The following IPO7 variants were observed in gnomAD, a reference collection of about 807,000 sequenced individuals.
The protein encoded by IPO7 is importin-7.
IPO7 carries 13 observed loss-of-function variants against 136.4 expected under a neutral mutation model. The observed-to-expected ratio is 0.10, with a 90% CI of 0.06 to 0.15. The LOEUF (loss-of-function observed/expected upper bound fraction) is 0.15, where lower values mean the gene tolerates loss of function less well. Ranked by LOEUF, IPO7 falls within the 10% of genes least tolerant of loss-of-function variation. The pLI is 1.00. For synonymous variants in IPO7, 403 were observed against 404.4 expected, an observed-to-expected ratio of 1.00 and a Z score of 0.04; for missense variants, 857 against 1,240.6, an observed-to-expected ratio of 0.69 and a Z score of 4.65.
chr11:9,432,988 G>GATTTTTTTTTT (rs1855318156), intron 16 of IPO7, among the ~76,000 whole-genome samples: 1 of 83,262 alleles, frequency 1.2e-5, no homozygotes, highest in Non-Finnish European at 3.1e-5. Context: ...TCTTCCAAAT[G>GATTTTTTTTTT]GTTTTTTTTT....
At position 9,423,669 on chromosome 11, in the gene IPO7, A is replaced by G. The variant is rs533697438; in HGVS notation, c.1042-108A>G. 16 of 653,348 alleles carry G rather than the reference A, an allele frequency of 2.4e-5. No individual in the cohort carries two copies. The African/African-American group carries it at 2.8e-4, about 11-fold the overall frequency. The allele number at this position is 653,348 out of a possible 1,614,324, so 40.5% of individuals were successfully genotyped here. The stretch of plus-strand genomic sequence containing the variant: ...AAATGCATTACTAACGTTTGATATT[A>G]AGCTTTAAAATACATATAGTGTTAC... On this transcript the variant is annotated intron_variant, in intron 9 of 24. Coordinates refer to ENST00000379719, the MANE Select transcript of IPO7 (RefSeq NM_006391.3).
At chr11:9,417,888 T>A (rs942053853) in intron 6 of IPO7, among the ~76,000 whole-genome samples, 3 of 151,586 alleles carry the variant, frequency 2.0e-5, no homozygotes, top group Non-Finnish European at 4.4e-5. Context: ...AATTTTTGTA[T>A]TTTTAGTAGA....
At position 9,424,963 on chromosome 11, in the gene IPO7, G is replaced by A. The variant is rs1855183263; in HGVS notation, c.1191G>A (p.Leu397=). Residue 397 remains leucine, a synonymous_variant, in exon 11 of 25, where the codon TTG becomes TTA. Coordinates refer to ENST00000379719, the MANE Select transcript of IPO7 (RefSeq NM_006391.3). ...CTACCACTGCTGCCCAGACACTTTT[G>A]TTTACAGCCTGTAGTAAGAGGAAAG... ...ISPTTAAQTL[L]FTACSKRKEV... 1.3e-6 allele frequency: 2 copies of A among 1,588,060 alleles called. No homozygotes were observed. The highest frequency in any genetic ancestry group is 2.7e-5 in the African/African-American group (2 of 73,182).
At chr11:9,406,258 C>T (rs1181260601) in intron 2 of IPO7, among the ~76,000 whole-genome samples, 1 of 151,844 alleles carries the variant, frequency 6.6e-6, no homozygotes, top group African/African-American at 2.4e-5. Flanking sequence ...TCGCCTCAGC[C>T]TTCCAAAGTG....
intron 1 of IPO7, among the ~76,000 whole-genome samples, chr11:9,393,959 T>C (rs1160706572): frequency 6.6e-6 from 1 of 152,134 alleles, no homozygotes; most frequent in Non-Finnish European, 1.5e-5. Context: ...CTCGGCTCAC[T>C]GCAACTTCTG....
At chr11:9,443,586 C>G (rs1284381176) in intron 24 of IPO7, among the ~76,000 whole-genome samples, 1 of 135,782 alleles carries the variant, frequency 7.4e-6, no homozygotes, top group East Asian at 2.1e-4. Context: ...AGCGAAACTC[C>G]GTCTCAAAAA....
At chr11:9,422,480 T>C (rs1855147844) in intron 8 of IPO7, among the ~76,000 whole-genome samples, 1 of 152,174 alleles carries the variant, frequency 6.6e-6, no homozygotes, top group Non-Finnish European at 1.5e-5. Context: ...GAAATAGTCT[T>C]GGGGACCACT....
At chr11:9,418,725 TATAA>T (rs1402628362) in intron 6 of IPO7, among the ~76,000 whole-genome samples, 3 of 152,192 alleles carry the variant, frequency 2.0e-5, no homozygotes, top group African/African-American at 7.2e-5. Context: ...GTGCACCGAT[TATAA>T]ATAAACAGTT....
At chr11:9,426,084 T>C (rs944119688) in intron 12 of IPO7, among the ~76,000 whole-genome samples, 6 of 152,102 alleles carry the variant, frequency 3.9e-5, no homozygotes, top group Non-Finnish European at 4.4e-5. Context: ...AACAACCTTA[T>C]GGAGTGTACA....
At chr11:9,436,842 T>TTATTTATATA (rs1855376562) in intron 20 of IPO7, among the ~76,000 whole-genome samples, 1 of 24,458 alleles carries the variant, frequency 4.1e-5, no homozygotes, top group African/African-American at 1.9e-4. Context: ...CCGCCTGATT[T>TTATTTATATA]TATATATATA....
intron 8 of IPO7, among the ~76,000 whole-genome samples, chr11:9,421,553 A>C (rs1373000375): frequency 2.0e-5 from 3 of 148,522 alleles, no homozygotes; most frequent in South Asian, 4.3e-4. Context: ...GCTTGAACCC[A>C]GGAGGCAGAG....
chr11:9,413,393 G>A (rs1299677572), intron 4 of IPO7, among the ~76,000 whole-genome samples: 1 of 152,006 alleles, frequency 6.6e-6, no homozygotes, highest in African/African-American at 2.4e-5. Context: ...CTTTAATGCT[G>A]TTGGTATGTA....
intron 6 of IPO7, among the ~76,000 whole-genome samples, chr11:9,419,826 A>G (rs1305745692): frequency 2.6e-5 from 4 of 152,030 alleles, no homozygotes; most frequent in South Asian, 4.1e-4. Flanking sequence ...TGCCCTTTCC[A>G]TTATGAAATA....
At chr11:9,392,063 G>A (rs1854640892) in intron 1 of IPO7, 1 of 203,334 alleles carries the variant, frequency 4.9e-6, no homozygotes, top group Admixed American at 6.0e-5. Context: ...GAGGGACGCA[G>A]TGAAGAGCCT....
At chr11:9,439,377 A>G (rs911228634) in intron 22 of IPO7, among the ~76,000 whole-genome samples, 5 of 152,036 alleles carry the variant, frequency 3.3e-5, no homozygotes, top group African/African-American at 9.7e-5. Flanking sequence ...GGGCCTCCCA[A>G]AGTGCTGGGA....
At chr11:9,409,248 A>G (rs1444119896) in intron 3 of IPO7, among the ~76,000 whole-genome samples, 2 of 151,918 alleles carry the variant, frequency 1.3e-5, no homozygotes, top group Non-Finnish European at 2.9e-5. Flanking sequence ...AGCTGGGATT[A>G]CAGGCGTGCA....
chr11:9,396,810 T>A (rs1310561837), intron 1 of IPO7, among the ~76,000 whole-genome samples: 4 of 152,250 alleles, frequency 2.6e-5, no homozygotes, highest in Non-Finnish European at 5.9e-5. Flanking sequence ...AGACACATTT[T>A]ACTTTCATTA....
intron 1 of IPO7, among the ~76,000 whole-genome samples, chr11:9,399,715 C>T (rs1021488212): frequency 6.6e-6 from 1 of 152,100 alleles, no homozygotes; most frequent in African/African-American, 2.4e-5. Context: ...ATAGATTAAA[C>T]AGGATGAGAA....
In IPO7 at chr11:9,390,753, C is replaced by T. The variant is rs753027328; in HGVS notation, c.84+5906C>T. On this transcript the variant is annotated intron_variant, in intron 1 of 24. Transcript: ENST00000379719. ...GATCGCTCGTCCAGGAGTTTGAGAC[C>T]AGCCTGGGCAACATACAAAAAAAAT... Among the ~76,000 whole-genome samples the T allele has an allele frequency of 6.0e-3, 286 of 48,048 alleles. 2 individuals are homozygous for T. Among genetic ancestry groups the T allele is most frequent in the Non-Finnish European group, 2.0e-3 (42 of 21,184 alleles). The allele number at this position is 48,048 out of a possible 152,430, so 31.5% of individuals were successfully genotyped here.
Sources: gnomAD v4.1 joint callset for allele counts (sites outside exome capture counted in the v4.1 genomes callset) on GRCh38, gnomAD v4.1.1 for gene constraint, MANE v1.5 for transcripts, NCBI Gene and HGNC (gene_info 2026-07-23, HGNC 2026-07-21) for gene names.